The following MED13L variants were observed in gnomAD, a reference collection of about 807,000 sequenced individuals.
MED13L encodes mediator complex subunit 13L.
A neutral mutation model predicts 220.9 loss-of-function variants in MED13L; 7 were observed. The ratio of observed to expected loss-of-function variants is 0.03; its 90% CI spans 0.02 to 0.06. The LOEUF is 0.06. Ranked by LOEUF, MED13L falls within the 10% of genes least tolerant of loss-of-function variation. MED13L has a pLI of 1.00. For missense variants in MED13L, 1,965 were observed against 2,760.5 expected (o/e 0.71, Z 6.46); for synonymous variants, 1,011 against 1,015.2 (o/e 1.00, Z 0.08).
At chr12:116,215,996 G>C (rs1357046112) in intron 2 of MED13L, among the ~76,000 whole-genome samples, 2 of 152,104 alleles carry the variant, frequency 1.3e-5, no homozygotes, top group Non-Finnish European at 2.9e-5. Flanking sequence ...CCCATGATCT[G>C]ATTTAAATTA....
chr12:116,251,827 A>AT (rs749068679), intron 1 of MED13L, among the ~76,000 whole-genome samples: 15 of 151,842 alleles, frequency 9.9e-5, no homozygotes, highest in Non-Finnish European at 2.1e-4. Context: ...ATAGAAAGAC[A>AT]TATTTACGTT....
chr12:116,145,642 A>G (rs1487094984), intron 2 of MED13L, among the ~76,000 whole-genome samples: 1 of 151,336 alleles, frequency 6.6e-6, no homozygotes, highest in South Asian at 2.1e-4. Flanking sequence ...CTACAGGCAC[A>G]TGCACCACAC....
intron 2 of MED13L, among the ~76,000 whole-genome samples, chr12:116,152,018 C>A (rs892087665): frequency 6.6e-6 from 1 of 152,120 alleles, no homozygotes; most frequent in Non-Finnish European, 1.5e-5. Context: ...GAAAAGTGTT[C>A]CCTCTCCCTT....
chr12:116,251,934 T>G (rs1413754965), intron 1 of MED13L, among the ~76,000 whole-genome samples: 1 of 151,882 alleles, frequency 6.6e-6, no homozygotes, highest in African/African-American at 2.4e-5. Context: ...GAAGTACTAT[T>G]ACTAGGAATA....
At chr12:115,964,156 T>C (rs1875972105) in intron 29 of MED13L, among the ~76,000 whole-genome samples, 1 of 152,178 alleles carries the variant, frequency 6.6e-6, no homozygotes, top group African/African-American at 2.4e-5. Context: ...TTGTATTATT[T>C]TGCTTGTAAA....
At chr12:116,129,853 G>C (rs149781574) in intron 2 of MED13L, among the ~76,000 whole-genome samples, 12 of 151,216 alleles carry the variant, frequency 7.9e-5, no homozygotes, top group African/African-American at 2.7e-4. Flanking sequence ...AGGTTGTAGT[G>C]AGCCGAGATC....
At chr12:116,099,583 A>C (rs1872893514) in intron 3 of MED13L, among the ~76,000 whole-genome samples, 1 of 152,242 alleles carries the variant, frequency 6.6e-6, no homozygotes, top group Admixed American at 6.5e-5. Flanking sequence ...GAAAAATCCA[A>C]GGCTACAGAG....
intron 4 of MED13L, among the ~76,000 whole-genome samples, chr12:116,076,126 G>C (rs1299498182): frequency 1.3e-5 from 2 of 152,002 alleles, no homozygotes; most frequent in Non-Finnish European, 2.9e-5. Context: ...TGTTAGCCAG[G>C]ATGGTCTCGA....
At chr12:116,002,883 A>C in intron 14 of MED13L, 120 bp downstream of exon 14, 3 of 823,254 alleles carry the variant, frequency 3.6e-6, no homozygotes, top group Non-Finnish European at 6.1e-6. Flanking sequence ...ATTCACAGTT[A>C]GAATTCTGTC....
In MED13L at chr12:116,177,236, CACAGTAAGCGTAT is replaced by C. The variant is rs1456050463; in HGVS notation, c.310+60219_310+60231del. Among the ~76,000 whole-genome samples, 5 of 152,112 alleles carry C rather than the reference CACAGTAAGCGTAT, an allele frequency of 3.3e-5. No homozygotes were observed. The South Asian group carries it at 8.3e-4, about 25-fold the overall frequency. On this transcript the variant is annotated intron_variant, in intron 2 of 30. Transcript: ENST00000281928. ...CATGACCCCTCCCCAGGCACTACTCCACAGTAAGCGTATACATGATCCTGACTTCTATTATCGT... is the reference window on the plus strand; with the variant it reads ...CATGACCCCTCCCCAGGCACTACTCCACATGATCCTGACTTCTATTATCGT...
chr12:116,236,810 G>C, intron 2 of MED13L: 1 of 974,584 alleles, frequency 1.0e-6, no homozygotes, highest in Non-Finnish European at 1.2e-6. Context: ...ACAGAAAAAT[G>C]AAACTCTTAC....
intron 1 of MED13L, among the ~76,000 whole-genome samples, chr12:116,267,790 A>C (rs992421652): frequency 2.6e-5 from 4 of 152,250 alleles, no homozygotes; most frequent in African/African-American, 4.8e-5. Flanking sequence ...CAGAAGGCTC[A>C]AAAATCTATA....
chr12:116,207,676 G>C (rs1360992086), intron 2 of MED13L, among the ~76,000 whole-genome samples: 2 of 151,886 alleles, frequency 1.3e-5, no homozygotes, highest in African/African-American at 4.8e-5. Context: ...ATGGGAAAAA[G>C]AAGATACAGA....
chr12:116,203,851 G>T (rs1373130650), intron 2 of MED13L, among the ~76,000 whole-genome samples: 2 of 152,018 alleles, frequency 1.3e-5, no homozygotes, highest in Non-Finnish European at 2.9e-5. Flanking sequence ...AGACAAGAGT[G>T]AAAAGTCATC....
chr12:116,056,239 T>G (rs548268741), intron 4 of MED13L, among the ~76,000 whole-genome samples: 1 of 152,108 alleles, frequency 6.6e-6, no homozygotes, highest in Non-Finnish European at 1.5e-5. Flanking sequence ...TAATAATGTA[T>G]GCATTTTCTA....
rs892475555 is a variant in MED13L at position 116,019,266 on chromosome 12, T to A, written c.967A>T (p.Met323Leu). Residue 323 changes from methionine (M) to leucine (L), a missense_variant, in exon 7 of 31, where the codon ATG becomes TTG. By Grantham distance (15) the Met-to-Leu change is conservative. Transcript: ENST00000281928. ...GSVKDPSNCG[M>L]PLTPPTSPEQ... ...GGAGAGGTGGGAGGGGTCAGAGGCA[T>A]CCCACAGTTACTTGGGTCCTTCACA... 7 of 1,613,968 alleles carry A rather than the reference T, an allele frequency of 4.3e-6. No homozygotes were observed. Among genetic ancestry groups the A allele is most frequent in the Non-Finnish European group, 4.2e-6 (5 of 1,179,948 alleles).
At chr12:116,062,736 T>G (rs1002242680) in intron 4 of MED13L, among the ~76,000 whole-genome samples, 1 of 152,066 alleles carries the variant, frequency 6.6e-6, no homozygotes, top group East Asian at 1.9e-4. Context: ...TCCGACCAAC[T>G]CACCCGGCCT....
chr12:116,231,504 A>G (rs1161899604), intron 2 of MED13L, among the ~76,000 whole-genome samples: 8 of 152,200 alleles, frequency 5.3e-5, no homozygotes, highest in African/African-American at 1.7e-4. Flanking sequence ...TTGATCCCCA[A>G]GACAACTTCA....
chr12:116,217,741 C>T (rs1392803064), intron 2 of MED13L, among the ~76,000 whole-genome samples: 2 of 152,168 alleles, frequency 1.3e-5, no homozygotes, highest in Non-Finnish European at 2.9e-5. Context: ...CACAGTTCAA[C>T]AGTGAATGCC....
Sources: allele counts gnomAD v4.1 joint callset (sites outside exome capture counted in the v4.1 genomes callset), GRCh38; gene constraint gnomAD v4.1.1; transcripts MANE v1.5; gene names NCBI Gene and HGNC (gene_info 2026-07-23, HGNC 2026-07-21).